The following GLRX3 variants were observed in gnomAD, a reference collection of about 807,000 sequenced individuals.
GLRX3 encodes the protein glutaredoxin-3.
Under a neutral mutation model 49.5 loss-of-function variants are expected in GLRX3, and 22 were observed. That is an observed-to-expected ratio of 0.44 (90% CI 0.32 to 0.63). The LOEUF (loss-of-function observed/expected upper bound fraction) is 0.63. Ranked by LOEUF, GLRX3 falls within the 30% of genes least tolerant of loss-of-function variation. GLRX3 has a pLI of 0.05. For missense variants in GLRX3, 385 were observed against 396.3 expected (o/e 0.97, Z 0.24); for synonymous variants, 133 against 140.0 (o/e 0.95, Z 0.35).
intron 2 of GLRX3, among the ~76,000 whole-genome samples, chr10:130,159,044 C>T (rs557978703): frequency 6.6e-6 from 1 of 151,966 alleles, no homozygotes; most frequent in Admixed American, 6.5e-5. Context: ...TATTTCAAGC[C>T]CAGTGGAAAT....
Position 130,160,115 on chromosome 10 carries a change from A to G in GLRX3, c.276+46A>G, listed in dbSNP as rs776869164. 1.3e-5 allele frequency: 15 copies of G among 1,122,576 alleles called. No homozygotes were observed. In the South Asian group the frequency reaches 1.5e-4, roughly 11 times the overall value. The allele number at this position is 1,122,576 out of a possible 1,614,324, so 69.5% of individuals were successfully genotyped here. On this transcript the variant is annotated intron_variant, in intron 3 of 10. Coordinates refer to ENST00000331244, the MANE Select transcript of GLRX3 (RefSeq NM_006541.5). ...AGAGATTATCCATTTGTAGGGTGCCATGGGGCTACCTATTTTGTTTCTTTA... is the reference window on the plus strand; with the variant it reads ...AGAGATTATCCATTTGTAGGGTGCCGTGGGGCTACCTATTTTGTTTCTTTA...
intron 2 of GLRX3, among the ~76,000 whole-genome samples, chr10:130,152,562 T>C (rs1011678754): frequency 2.0e-5 from 3 of 152,338 alleles, no homozygotes; most frequent in Non-Finnish European, 4.4e-5. Flanking sequence ...CCTTCACTTA[T>C]GAAGCTTAGT....
chr10:130,172,958 G>A (rs894263050), intron 8 of GLRX3, among the ~76,000 whole-genome samples: 7 of 152,146 alleles, frequency 4.6e-5, no homozygotes, highest in African/African-American at 1.2e-4. Flanking sequence ...AGATGTGGTT[G>A]TCGTCTTTAG....
chr10:130,152,733 A>G (rs1862401835), intron 2 of GLRX3, among the ~76,000 whole-genome samples: 1 of 150,068 alleles, frequency 6.7e-6, no homozygotes, highest in South Asian at 2.1e-4. Flanking sequence ...TGCCCTTAAC[A>G]TTTTTTCCTT....
chr10:130,156,665 C>T (rs1862476927), intron 2 of GLRX3, among the ~76,000 whole-genome samples: 3 of 152,202 alleles, frequency 2.0e-5, no homozygotes, highest in Admixed American at 2.0e-4. Context: ...GTTACTGTCA[C>T]AGTGGCATCC....
intron 2 of GLRX3, among the ~76,000 whole-genome samples, chr10:130,146,557 G>T (rs1012760645): frequency 2.6e-5 from 4 of 152,162 alleles, no homozygotes; most frequent in African/African-American, 7.2e-5. Flanking sequence ...GCACGTTAAA[G>T]ATATTATTCA....
At chr10:130,155,370 C>G (rs1590063970) in intron 2 of GLRX3, among the ~76,000 whole-genome samples, 1 of 152,260 alleles carries the variant, frequency 6.6e-6, no homozygotes, top group African/African-American at 2.4e-5. Flanking sequence ...GTCAGTTACT[C>G]TGGCTGGAGA....
At chr10:130,179,755 A>C (rs949086143), downstream of GLRX3, 6 of 249,238 alleles carry the variant, frequency 2.4e-5, no homozygotes, top group African/African-American at 1.4e-4. Flanking sequence ...ACTGTGGCGG[A>C]ATGCAGTACA....
At chr10:130,140,344 A>G (rs182121453) in intron 1 of GLRX3, among the ~76,000 whole-genome samples, 3 of 152,356 alleles carry the variant, frequency 2.0e-5, no homozygotes, top group African/African-American at 2.4e-5. Context: ...GGGGCTATCC[A>G]TTAAGATGGA....
At chr10:130,146,309 G>A (rs982139004) in intron 2 of GLRX3, among the ~76,000 whole-genome samples, 1 of 152,200 alleles carries the variant, frequency 6.6e-6, no homozygotes, top group Non-Finnish European at 1.5e-5. Flanking sequence ...AATGCTGCTA[G>A]GGACCAGGGA....
In GLRX3 at chr10:130,166,545, A is replaced by C; in HGVS notation, c.517A>C (p.Asn173His). The change falls in exon 5 of 11, where the codon AAT (asparagine) becomes CAT (histidine). Residue 173 changes from asparagine to histidine, a missense_variant. By Grantham distance (68) the Asn-to-His change is moderately conservative. Transcript: ENST00000331244. The stretch of plus-strand genomic sequence containing the variant: ...GATGGTGGAAATTCTTCACAAACAT[A>C]ATATTCAGTTTAGCAGTTTTGATAT... ...KQMVEILHKH[N>H]IQFSSFDIFS... 3.1e-6 allele frequency: 5 copies of C among 1,613,408 alleles called. No individual in the cohort carries two copies. In the South Asian group the frequency reaches 5.5e-5, roughly 18 times the overall value.
chr10:130,154,766 A>G (rs758894138), intron 2 of GLRX3, among the ~76,000 whole-genome samples: 22 of 152,186 alleles, frequency 1.4e-4, no homozygotes, highest in Non-Finnish European at 3.2e-4. Context: ...TTTATCAAAC[A>G]CTAAATGCCG....
At chr10:130,136,879 G>GCGGGGGA (rs1862064895) in intron 1 of GLRX3, among the ~76,000 whole-genome samples, 1 of 152,084 alleles carries the variant, frequency 6.6e-6, no homozygotes, top group Non-Finnish European at 1.5e-5. Flanking sequence ...CAGTGGCGGG[G>GCGGGGGA]CGGGGGACGG....
chr10:130,163,830 A>G (rs188079158), intron 4 of GLRX3, among the ~76,000 whole-genome samples: 120 of 152,292 alleles, frequency 7.9e-4, no homozygotes, highest in African/African-American at 2.8e-3. Context: ...AGCTCCCTTT[A>G]TAAAAGCACT....
intron 4 of GLRX3, among the ~76,000 whole-genome samples, chr10:130,163,862 C>T (rs141493329): frequency 9.9e-5 from 15 of 152,280 alleles, no homozygotes; most frequent in East Asian, 3.9e-4. Flanking sequence ...CTTGTGAACA[C>T]GCACGTGGCT....
intron 1 of GLRX3, among the ~76,000 whole-genome samples, chr10:130,137,865 G>T (rs1372248573): frequency 6.6e-6 from 1 of 151,824 alleles, no homozygotes; most frequent in East Asian, 1.9e-4. Flanking sequence ...CTCCCGAGTA[G>T]CTGGGACCAC....
chr10:130,167,746 A>G (rs1194375181), intron 6 of GLRX3, among the ~76,000 whole-genome samples: 1 of 152,210 alleles, frequency 6.6e-6, no homozygotes, highest in Non-Finnish European at 1.5e-5. Flanking sequence ...TTTAATAATA[A>G]TAAATACCTC....
intron 2 of GLRX3, among the ~76,000 whole-genome samples, chr10:130,155,482 T>A (rs993685956): frequency 6.6e-6 from 1 of 152,072 alleles, no homozygotes; most frequent in African/African-American, 2.4e-5. Context: ...TGAGTGGGAT[T>A]ATATTTTGGA....
At chr10:130,168,668 T>C (rs72838222) in intron 6 of GLRX3, among the ~76,000 whole-genome samples, 14,318 of 152,126 alleles carry the variant, frequency 0.094, 842 homozygotes, top group Non-Finnish European at 0.12. Flanking sequence ...AGGATGGTCT[T>C]GATCTCCTGA....
Sources: gnomAD v4.1 joint callset for allele counts (sites outside exome capture counted in the v4.1 genomes callset) on GRCh38, gnomAD v4.1.1 for gene constraint, MANE v1.5 for transcripts, NCBI Gene and HGNC (gene_info 2026-07-23, HGNC 2026-07-21) for gene names.